Variants in TMA16 observed in about 807,000 individuals in gnomAD.
TMA16 encodes translation machinery-associated protein 16.
Under a neutral mutation model 27.1 loss-of-function variants are expected in TMA16, and 26 were observed. The observed-to-expected ratio is 0.96, with a 90% CI of 0.70 to 1.33. The LOEUF (loss-of-function observed/expected upper bound fraction) is 1.33. Among genes scored for constraint, TMA16 ranks in the 40% most tolerant of loss-of-function variants. The pLI, the probability that TMA16 is intolerant of heterozygous loss-of-function variation, is 0.00. For synonymous variants in TMA16, 71 were observed against 81.9 expected (o/e 0.87, Z 0.72); for missense variants, 233 against 241.4 (o/e 0.97, Z 0.23).
chr4:163,507,633 G>A (rs1027846214), intron 2 of TMA16, among the ~76,000 whole-genome samples: 1 of 151,932 alleles, frequency 6.6e-6, no homozygotes, highest in Non-Finnish European at 1.5e-5. Flanking sequence ...GGGATTTCAA[G>A]CCGTGAGACT....
In TMA16 at chr4:163,495,367, G is replaced by A. The variant is rs186541416; in HGVS notation, c.3+563G>A. Among the ~76,000 whole-genome samples the A allele has an allele frequency of 1.4e-3, 219 of 152,328 alleles. 1 individual carries two copies. The highest frequency in any genetic ancestry group is 4.9e-3 in the African/African-American group (203 of 41,574). ...CACATTTCAAGTGTAAAGATGAACA[G>A]TTTCAGGAATTCTCGTTTACCCATT... On this transcript the variant is annotated intron_variant, in intron 1 of 6. Transcript: ENST00000358572.
intron 6 of TMA16, among the ~76,000 whole-genome samples, chr4:163,517,971 G>A (rs1175538325): frequency 6.8e-6 from 1 of 147,608 alleles, no homozygotes. Flanking sequence ...GATTTTTTAG[G>A]TTTTTTTTTT....
At chr4:163,507,272 T>C in intron 2 of TMA16, 127 bp downstream of exon 2, 1 of 827,896 alleles carries the variant, frequency 1.2e-6, no homozygotes, top group Non-Finnish European at 1.8e-6. Context: ...GTGTTCTGTA[T>C]GCAGAGGGTG....
chr4:163,517,687 G>T, intron 6 of TMA16: 1 of 499,612 alleles, frequency 2.0e-6, no homozygotes, highest in Non-Finnish European at 3.5e-6. Context: ...TGTGCTTTTT[G>T]TTTTTCAAAA....
At chr4:163,510,626 G>T (rs768326055) in intron 2 of TMA16, among the ~76,000 whole-genome samples, 1 of 152,012 alleles carries the variant, frequency 6.6e-6, no homozygotes, top group Admixed American at 6.6e-5. Context: ...CCATTCACTG[G>T]ATATGCACCT....
chr4:163,495,528 A>G (rs1737537203), intron 1 of TMA16, among the ~76,000 whole-genome samples: 1 of 152,178 alleles, frequency 6.6e-6, no homozygotes, highest in African/African-American at 2.4e-5. Context: ...TAGTTACTAC[A>G]TATATTTGTA....
rs1031782024 is a variant in TMA16, at chr4:163,520,315, A to C, written c.*801A>C. ...TCATTCAGTGTCATGAAAAACATGA[A>C]TGTTGTACAATTTTCTTCCTCAAAA... On this transcript the variant is annotated 3_prime_UTR_variant, in exon 7 of 7. Transcript: ENST00000358572. 5.7e-6 allele frequency: 1 copy of C among 175,814 alleles called. No homozygotes were observed. The highest frequency in any genetic ancestry group is 2.4e-5 in the African/African-American group (1 of 42,320). 10.9% of individuals were successfully genotyped at this position (175,814 alleles called of 1,614,324 possible). A position where few individuals can be genotyped will look rare whatever the true frequency, so the allele number is the denominator to read the frequency against.
At chr4:163,510,689 G>C (rs547968274) in intron 2 of TMA16, among the ~76,000 whole-genome samples, 1 of 152,254 alleles carries the variant, frequency 6.6e-6, no homozygotes, top group Admixed American at 6.5e-5. Context: ...ATTTTTGGCT[G>C]TTATCAGAGG....
chr4:163,515,605 A>G (rs540645184), intron 5 of TMA16, 144 bp downstream of exon 5: 235 of 1,078,056 alleles, frequency 2.2e-4, no homozygotes, highest in Non-Finnish European at 2.7e-4. Context: ...GGTTTAGAAA[A>G]ATTTTGGATT....
At chr4:163,512,964 G>T in intron 3 of TMA16, 105 bp downstream of exon 3, 1 of 827,894 alleles carries the variant, frequency 1.2e-6, no homozygotes, top group Non-Finnish European at 1.9e-6. Flanking sequence ...TTTTATCAAA[G>T]TGAATTTGAT....
At position 163,494,795 on chromosome 4, in the gene TMA16, C is replaced by T. The variant is rs1248659364; in HGVS notation, c.-7C>T. ...CGGAGCTGCTCCGTGGCCACGAGGACGTCACCATGGTGGGCCCCCTCCTGC... is the reference window on the plus strand; with the variant it reads ...CGGAGCTGCTCCGTGGCCACGAGGATGTCACCATGGTGGGCCCCCTCCTGC... On this transcript the variant is annotated 5_prime_UTR_variant, in exon 1 of 7. The change creates a new upstream start codon in the 5' untranslated region. Transcript: ENST00000358572. 5.6e-6 allele frequency: 9 copies of T among 1,612,624 alleles called. No individual in the cohort carries two copies. The highest frequency in any genetic ancestry group is 5.1e-6 in the Non-Finnish European group (6 of 1,180,022).
intron 6 of TMA16, 37 bp from the exon 7 acceptor site, chr4:163,519,297 A>G: frequency 6.6e-7 from 1 of 1,515,108 alleles, no homozygotes; most frequent in Non-Finnish European, 8.8e-7. Flanking sequence ...ACTCTTACCA[A>G]CACTCTGCAC....
chr4:163,496,144 G>T lies in TMA16; in HGVS notation c.3+1340G>T, dbSNP rs924375700. Among the ~76,000 whole-genome samples the T allele has an allele frequency of 1.2e-4, 18 of 151,662 alleles. No homozygotes were observed. In the South Asian group the frequency reaches 1.5e-3, roughly 12 times the overall value. ...ATTTCTGGCTCTGTCATTTTTTTTT[G>T]ATATAACCTCATTAGTGGTTTTGCT... On this transcript the variant is annotated intron_variant, in intron 1 of 6. Coordinates refer to ENST00000358572, the MANE Select transcript of TMA16 (RefSeq NM_018352.3).
At chr4:163,497,422 T>G (rs914446000) in intron 1 of TMA16, among the ~76,000 whole-genome samples, 1 of 152,252 alleles carries the variant, frequency 6.6e-6, no homozygotes, top group African/African-American at 2.4e-5. Flanking sequence ...TAAAGTGATA[T>G]GCATTTAGTG....
intron 1 of TMA16, among the ~76,000 whole-genome samples, chr4:163,506,652 T>G (rs1369599353): frequency 6.6e-6 from 1 of 152,218 alleles, no homozygotes; most frequent in Non-Finnish European, 1.5e-5. Context: ...CCCCTACTAA[T>G]AATCCAAGTC....
chr4:163,511,678 A>G (rs1328527838), intron 2 of TMA16, among the ~76,000 whole-genome samples: 1 of 150,282 alleles, frequency 6.7e-6, no homozygotes, highest in East Asian at 1.9e-4. Flanking sequence ...AAAAAAAAGT[A>G]GCCAGGCATG....
chr4:163,515,469 C>A lies in TMA16; in HGVS notation c.388+8C>A. ...TTGAGGGATATGGCCTTGGTGTGCT[C>A]ACTGATTTTTTATTTTCCTTTTATA... is the stretch of plus-strand genomic sequence containing the variant. On this transcript the variant is annotated splice_region_variant and intron_variant, in intron 5 of 6. Coordinates refer to ENST00000358572, the MANE Select transcript of TMA16 (RefSeq NM_018352.3). 6.2e-7 allele frequency: 1 copy of A among 1,602,686 alleles called. No individual in the cohort carries two copies. Among genetic ancestry groups the A allele is most frequent in the South Asian group, 1.1e-5 (1 of 88,742 alleles).
chr4:163,500,126 A>G (rs1737626427), intron 1 of TMA16, among the ~76,000 whole-genome samples: 2 of 152,194 alleles, frequency 1.3e-5, no homozygotes, highest in South Asian at 2.1e-4. Context: ...GGAGATCCCA[A>G]AACTGACTTA....
At chr4:163,506,633 A>G (rs1473076975) in intron 1 of TMA16, among the ~76,000 whole-genome samples, 1 of 152,202 alleles carries the variant, frequency 6.6e-6, no homozygotes, top group Non-Finnish European at 1.5e-5. Flanking sequence ...TGAAACATCT[A>G]CAATCAAGCC....
Sources: gnomAD v4.1 joint callset for allele counts (sites outside exome capture counted in the v4.1 genomes callset) on GRCh38, gnomAD v4.1.1 for gene constraint, MANE v1.5 for transcripts, NCBI Gene and HGNC (gene_info 2026-07-23, HGNC 2026-07-21) for gene names.